The following ZNF613 variants were observed in gnomAD, a reference collection of about 807,000 sequenced individuals.
The protein encoded by ZNF613 is zinc finger protein 613.
ZNF613 carries 8 observed loss-of-function variants against 14.3 expected under a neutral mutation model. The ratio of observed to expected loss-of-function variants is 0.56; its 90% CI spans 0.33 to 1.01. ZNF613 has a LOEUF of 1.01. Among genes scored for constraint, ZNF613 ranks in the 50% least tolerant of loss-of-function variants. ZNF613 has a pLI of 0.03. For missense variants in ZNF613, 656 were observed against 741.9 expected (o/e 0.88, Z 1.35); for synonymous variants, 228 against 254.5 (o/e 0.90, Z 0.99).
intron 1 of ZNF613, among the ~76,000 whole-genome samples, chr19:51,929,463 T>G (rs2122802733): frequency 6.6e-6 from 1 of 152,328 alleles, no homozygotes; most frequent in Admixed American, 6.5e-5. Flanking sequence ...TTGACCTTTC[T>G]GTTCTCTTCT....
chr19:51,944,372 C>G lies in ZNF613; in HGVS notation c.489C>G (p.Ser163=). ...TGGGGGTTAATGGAGATGGGAAATC[C>G]TTCCTTCATGCCAAGCATGAACAAT... The part of the protein sequence containing the change: ...NSVGVNGDGK[S]FLHAKHEQFH... The change falls in exon 6 of 6, where the codon TCC becomes TCG. Residue 163 remains serine, a synonymous_variant. Coordinates refer to ENST00000293471, the MANE Select transcript of ZNF613 (RefSeq NM_001031721.4). 6.2e-7 allele frequency: 1 copy of G among 1,601,546 alleles called. No homozygotes were observed. The highest frequency in any genetic ancestry group is 2.2e-5 in the East Asian group (1 of 44,556).
chr19:51,942,271 G>A (rs893791350), intron 5 of ZNF613, among the ~76,000 whole-genome samples: 1 of 152,144 alleles, frequency 6.6e-6, no homozygotes, highest in Non-Finnish European at 1.5e-5. Context: ...TATGGGCCCT[G>A]ACAGCTGTGA....
intron 2 of ZNF613, among the ~76,000 whole-genome samples, chr19:51,932,931 T>C (rs894313691): frequency 2.0e-5 from 3 of 152,068 alleles, no homozygotes; most frequent in African/African-American, 7.2e-5. Flanking sequence ...CCTCCTGCCT[T>C]GGCCTCCCAA....
chr19:51,941,489 C>T (rs1247640915), intron 5 of ZNF613, among the ~76,000 whole-genome samples: 4 of 152,110 alleles, frequency 2.6e-5, no homozygotes, highest in Admixed American at 6.5e-5. Context: ...TCTTCCCACC[C>T]TATCTTGGAC....
At chr19:51,932,558 A>G (rs1347830052) in intron 2 of ZNF613, among the ~76,000 whole-genome samples, 1 of 151,952 alleles carries the variant, frequency 6.6e-6, no homozygotes, top group Non-Finnish European at 1.5e-5. Context: ...CGGCCTCCCA[A>G]AGTCCTGGGA....
At chr19:51,940,144 TC>T (rs1481510446) in intron 3 of ZNF613, 64 bp from the exon 4 acceptor site, 3 of 1,585,750 alleles carry the variant, frequency 1.9e-6, no homozygotes, top group Non-Finnish European at 2.6e-6. Flanking sequence ...AGAACAATGT[TC>T]TTCACATTTC....
intron 2 of ZNF613, among the ~76,000 whole-genome samples, 188 bp from the exon 3 acceptor site, chr19:51,935,840 T>C (rs1461527841): frequency 6.6e-6 from 1 of 152,198 alleles, no homozygotes; most frequent in Non-Finnish European, 1.5e-5. Flanking sequence ...GTAAATGTAT[T>C]GGCCATACCT....
intron 2 of ZNF613, among the ~76,000 whole-genome samples, 169 bp downstream of exon 2, chr19:51,930,065 A>G (rs1198248096): frequency 1.3e-5 from 2 of 152,162 alleles, no homozygotes; most frequent in African/African-American, 2.4e-5. Context: ...GAACATTTTC[A>G]TCACTTAAAA....
intron 3 of ZNF613, among the ~76,000 whole-genome samples, chr19:51,937,060 A>C (rs1435176680): frequency 6.6e-6 from 1 of 152,206 alleles, no homozygotes; most frequent in African/African-American, 2.4e-5. Flanking sequence ...GTGTGTGCAG[A>C]GAGAGCATGG....
Position 51,940,611 on chromosome 19 carries a change from G to T in ZNF613, c.143-6G>T. The T allele has an allele frequency of 6.2e-7, 1 of 1,610,148 alleles. No individual in the cohort carries two copies. Among genetic ancestry groups the T allele is most frequent in the Non-Finnish European group, 8.5e-7 (1 of 1,177,964 alleles). On this transcript the variant is annotated splice_polypyrimidine_tract_variant and splice_region_variant and intron_variant, in intron 4 of 5. Transcript: ENST00000293471. ...GCCTAAGTTGTGTATCATTTCCTAT[G>T]AACAGGGTATCAAGCCAGCAAACCA...
intron 3 of ZNF613, among the ~76,000 whole-genome samples, chr19:51,938,939 T>C (rs1311869656): frequency 2.6e-5 from 4 of 151,674 alleles, no homozygotes; most frequent in East Asian, 1.9e-4. Flanking sequence ...TAAATAAATA[T>C]ACATGTATAC....
At position 51,940,787 on chromosome 19, in the gene ZNF613, C is replaced by T; in HGVS notation, c.235+78C>T. Reference sequence around the variant, plus strand: ...AGTTGTTCAGCAGTGTCTGAGCTGTCAGGGCATCTGAGGCTGTGTGGACAG... The same window carrying T: ...AGTTGTTCAGCAGTGTCTGAGCTGTTAGGGCATCTGAGGCTGTGTGGACAG... On this transcript the variant is annotated intron_variant, in intron 5 of 5. Coordinates refer to ENST00000293471, the MANE Select transcript of ZNF613 (RefSeq NM_001031721.4). The T allele has an allele frequency of 2.4e-6, 3 of 1,227,312 alleles. No individual in the cohort carries two copies. In the South Asian group the frequency reaches 4.4e-5, roughly 18 times the overall value. 76.0% of individuals were successfully genotyped at this position (1,227,312 alleles called of 1,614,324 possible). A position where few individuals can be genotyped will look rare whatever the true frequency, so the allele number is the denominator to read the frequency against.
intron 5 of ZNF613, among the ~76,000 whole-genome samples, chr19:51,943,364 G>T (rs1351499419): frequency 6.6e-6 from 1 of 152,200 alleles, no homozygotes; most frequent in Non-Finnish European, 1.5e-5. Context: ...ACCATTCCAA[G>T]GAGCATGAAA....
intron 2 of ZNF613, 111 bp downstream of exon 2, chr19:51,930,007 T>C (rs533513965): frequency 1.3e-5 from 2 of 152,328 alleles, no homozygotes; most frequent in Non-Finnish European, 2.9e-5. Context: ...CCATACTGTA[T>C]AATTCAGTGG....
chr19:51,941,893 A>C (rs901226979), intron 5 of ZNF613, among the ~76,000 whole-genome samples: 2 of 152,186 alleles, frequency 1.3e-5, no homozygotes, highest in African/African-American at 4.8e-5. Context: ...AGATTACTAC[A>C]CCTCATGCCT....
chr19:51,946,148 T>G lies in ZNF613; in HGVS notation c.*411T>G, dbSNP rs1338863422. On this transcript the variant is annotated 3_prime_UTR_variant, in exon 6 of 6. Coordinates refer to ENST00000293471, the MANE Select transcript of ZNF613 (RefSeq NM_001031721.4). ...ATCCTCAGAGGGAATCATATAGAAA[T>G]AAAACTATGAAAATGTAACTAGAAC... 5 of 164,204 alleles carry G rather than the reference T, an allele frequency of 3.0e-5. No homozygotes were observed. Among genetic ancestry groups the G allele is most frequent in the Non-Finnish European group, 6.6e-5 (5 of 75,270 alleles). The allele number at this position is 164,204 out of a possible 1,614,324, so 10.2% of individuals were successfully genotyped here. A position where few individuals can be genotyped will look rare whatever the true frequency, so the allele number is the denominator to read the frequency against.
chr19:51,945,242 G>A lies in ZNF613; in HGVS notation c.1359G>A (p.Lys453=). 2 of 1,614,116 alleles carry A rather than the reference G, an allele frequency of 1.2e-6. No individual in the cohort carries two copies. Among genetic ancestry groups the A allele is most frequent in the Non-Finnish European group, 1.7e-6 (2 of 1,180,020 alleles). ...LISHQRFHTG[K]TPFVCTECGK... ...CCCATCAGAGATTTCACACAGGAAA[G>A]ACACCCTTTGTATGTACTGAGTGTG... Residue 453 remains lysine, a synonymous_variant, in exon 6 of 6, where the codon AAG becomes AAA. Coordinates refer to ENST00000293471, the MANE Select transcript of ZNF613 (RefSeq NM_001031721.4).
At chr19:51,938,740 ATATATATATATG>A (rs772916249) in intron 3 of ZNF613, among the ~76,000 whole-genome samples, 5 of 145,146 alleles carry the variant, frequency 3.4e-5, no homozygotes, top group African/African-American at 5.4e-5. Flanking sequence ...ATATATATAT[ATATATATATATG>A]TGCAATATGC....
intron 5 of ZNF613, 29 bp downstream of exon 5, chr19:51,940,738 G>C: frequency 6.3e-7 from 1 of 1,579,670 alleles, no homozygotes; most frequent in Non-Finnish European, 8.6e-7. Context: ...CCAGCAAGGA[G>C]GGTGGCTGAG....
Sources: allele counts gnomAD v4.1 joint callset (sites outside exome capture counted in the v4.1 genomes callset), GRCh38; gene constraint gnomAD v4.1.1; transcripts MANE v1.5; gene names NCBI Gene and HGNC (gene_info 2026-07-23, HGNC 2026-07-21).